TGM5: variants seen among roughly 807,000 people sequenced by gnomAD.
TGM5 encodes the protein protein-glutamine gamma-glutamyltransferase 5.
Under a neutral mutation model 77.2 loss-of-function variants are expected in TGM5, and 69 were observed. The ratio of observed to expected loss-of-function variants is 0.89; its 90% CI spans 0.74 to 1.09. The LOEUF is 1.09. TGM5 is among the 50% of genes least tolerant of loss of function. The pLI is 0.00. For synonymous variants in TGM5, 346 were observed against 351.8 expected (o/e 0.98, Z 0.18); for missense variants, 842 against 896.5 (o/e 0.94, Z 0.78).
At position 43,235,709 on chromosome 15, in the gene TGM5, G is replaced by A. The variant is rs763381962; in HGVS notation, c.1474C>T (p.Arg492Trp). Residue 492 changes from arginine (R) to tryptophan (W), a missense_variant, in exon 10 of 13, where the codon CGG (arginine) becomes TGG (tryptophan). Arg to Trp is a moderately radical substitution (Grantham distance 101). This residue lies in a region of TGM5 where 815 missense variants were observed against 844.6 expected (regional missense o/e 0.96). Coordinates refer to ENST00000220420, the MANE Select transcript of TGM5 (RefSeq NM_201631.4). The part of the protein sequence containing the change: ...RPTSLSQDSP[R>W]SLHTPSLRPS... ...CGAAGGGAAGGTGTATGCAGGCTCC[G>A]AGGGCTGTCCTGGCTCAGTGATGTG... The A allele has an allele frequency of 1.4e-5, 23 of 1,614,062 alleles. No individual in the cohort carries two copies. The highest frequency in any genetic ancestry group is 2.2e-5 in the East Asian group (1 of 44,888).
chr15:43,239,750 G>A (rs1053470305), intron 7 of TGM5: 8 of 192,430 alleles, frequency 4.2e-5, no homozygotes, highest in East Asian at 1.3e-4. Context: ...CTCCCTCTGC[G>A]GACTCAGCTT....
Position 43,233,080 on chromosome 15 carries a change from G to T in TGM5, c.*111C>A. On this transcript the variant is annotated 3_prime_UTR_variant, in exon 13 of 13. Transcript: ENST00000220420. ...ACACGTCATCCCCTCTGTGGCTCTT[G>T]CTGGAGCCCTGTGAAGCCTCTGTTG... is the stretch of plus-strand genomic sequence containing the variant. The T allele has an allele frequency of 7.4e-7, 1 of 1,354,964 alleles. No individual in the cohort carries two copies. Among genetic ancestry groups the T allele is most frequent in the Non-Finnish European group, 1.0e-6 (1 of 973,806 alleles). The allele number at this position is 1,354,964 out of a possible 1,614,324, so 83.9% of individuals were successfully genotyped here.
intron 6 of TGM5, among the ~76,000 whole-genome samples, chr15:43,248,974 A>C (rs975608227): frequency 2.0e-5 from 3 of 152,214 alleles, no homozygotes; most frequent in African/African-American, 4.8e-5. Context: ...TATAAAAGAC[A>C]TGCAAGTTGG....
chr15:43,244,116 G>A (rs1014667566), intron 6 of TGM5, among the ~76,000 whole-genome samples: 1 of 152,122 alleles, frequency 6.6e-6, no homozygotes, highest in Non-Finnish European at 1.5e-5. Flanking sequence ...TTTCACCAAT[G>A]ACTCCACACC....
At chr15:43,246,914 G>T (rs1330276752) in intron 6 of TGM5, among the ~76,000 whole-genome samples, 2 of 152,088 alleles carry the variant, frequency 1.3e-5, no homozygotes, top group Admixed American at 1.3e-4. Flanking sequence ...GACTGCTCTG[G>T]AGCCATCATA....
intron 6 of TGM5, 24 bp from the exon 7 acceptor site, chr15:43,241,014 C>G (rs866429260): frequency 6.2e-7 from 1 of 1,614,010 alleles, no homozygotes; most frequent in Non-Finnish European, 8.5e-7. Context: ...ACAAAAAAAT[C>G]ACCTGTGAGC....
At chr15:43,253,765 C>A in intron 4 of TGM5, 131 bp from the exon 5 acceptor site, 1 of 1,250,590 alleles carries the variant, frequency 8.0e-7, no homozygotes, top group Non-Finnish European at 1.1e-6. Context: ...AACAGAACAG[C>A]CATGAATTCC....
rs547520639 is a variant in TGM5 at position 43,238,665 on chromosome 15, G to A, written c.1345+152C>T. ...GGTGGGGGTGTCATGAAGAAGTGAGGCTGTGAGGCCACCCCAACTGGGGCC... is the reference window on the plus strand; with the variant it reads ...GGTGGGGGTGTCATGAAGAAGTGAGACTGTGAGGCCACCCCAACTGGGGCC... On this transcript the variant is annotated intron_variant, in intron 9 of 12. Coordinates refer to ENST00000220420, the MANE Select transcript of TGM5 (RefSeq NM_201631.4). 4.1e-6 allele frequency: 5 copies of A among 1,205,734 alleles called. No homozygotes were observed. In the African/African-American group the frequency reaches 6.0e-5, roughly 14 times the overall value. 74.7% of individuals were successfully genotyped at this position (1,205,734 alleles called of 1,614,324 possible). A position where few individuals can be genotyped will look rare whatever the true frequency, so the allele number is the denominator to read the frequency against.
In TGM5 at chr15:43,240,926, A is replaced by G; in HGVS notation, c.927T>C (p.Asp309=). The change falls in exon 7 of 13, where the codon GAT becomes GAC. Residue 309 remains aspartate, a synonymous_variant. Coordinates refer to ENST00000220420, the MANE Select transcript of TGM5 (RefSeq NM_201631.4). ...AATACTCATCTATGATCAGGTTTCCATCTGTATCGTGGCCAGAGTCGAAGT... is the reference window on the plus strand; with the variant it reads ...AATACTCATCTATGATCAGGTTTCCGTCTGTATCGTGGCCAGAGTCGAAGT... The part of the protein sequence containing the change: ...ITNFDSGHDT[D]GNLIIDEYYD... 1.2e-6 allele frequency: 2 copies of G among 1,614,130 alleles called. No homozygotes were observed. The highest frequency in any genetic ancestry group is 2.2e-5 in the South Asian group (2 of 91,078).
Position 43,266,869 on chromosome 15 carries a change from T to C in TGM5, c.-20A>G, listed in dbSNP as rs1183538378. 3 of 1,613,962 alleles carry C rather than the reference T, an allele frequency of 1.9e-6. No individual in the cohort carries two copies. The highest frequency in any genetic ancestry group is 1.3e-5 in the African/African-American group (1 of 74,944). On this transcript the variant is annotated 5_prime_UTR_variant, in exon 1 of 13. Transcript: ENST00000220420. The stretch of plus-strand genomic sequence containing the variant: ...GGCCATGGTAGCTGCCTCCGGTTCC[T>C]GGGATGCTCCCCACAGAACAGCTGG...
chr15:43,259,631 T>C (rs2042770020), intron 3 of TGM5, among the ~76,000 whole-genome samples: 1 of 152,196 alleles, frequency 6.6e-6, no homozygotes, highest in South Asian at 2.1e-4. Flanking sequence ...TGCTGTTGAA[T>C]GGAACTTAGA....
At position 43,252,919 on chromosome 15, in the gene TGM5, A is replaced by G; in HGVS notation, c.702T>C (p.Asp234=). The change falls in exon 6 of 13, where the codon GAT becomes GAC. Residue 234 remains aspartate (D), a synonymous_variant. Transcript: ENST00000220420. The stretch of plus-strand genomic sequence containing the variant: ...TCCAGTTTCCATTGAGCACCCCATT[A>G]TCATCATTGCTGTTGATCTGAAGAG... ...VVCAMINSND[D]NGVLNGNWSE... is the part of the protein sequence containing the mutation. The G allele has an allele frequency of 6.2e-7, 1 of 1,613,502 alleles. No individual in the cohort carries two copies.
chr15:43,264,684 A>G (rs1225149310), intron 1 of TGM5, among the ~76,000 whole-genome samples: 1 of 152,216 alleles, frequency 6.6e-6, no homozygotes, highest in South Asian at 2.1e-4. Context: ...TTCTGAAACT[A>G]GATAGTGGCG....
intron 4 of TGM5, among the ~76,000 whole-genome samples, chr15:43,255,099 C>T (rs1036452834): frequency 5.3e-5 from 8 of 151,994 alleles, no homozygotes; most frequent in African/African-American, 1.5e-4. Flanking sequence ...TTTGGGAGGC[C>T]GAGACGGGAG....
intron 6 of TGM5, among the ~76,000 whole-genome samples, chr15:43,244,901 C>A (rs2042660539): frequency 6.6e-6 from 1 of 151,876 alleles, no homozygotes; most frequent in Non-Finnish European, 1.5e-5. Flanking sequence ...GACTTCACCT[C>A]TACAAAAAAA....
chr15:43,261,004 G>A (rs1278160044), intron 1 of TGM5, among the ~76,000 whole-genome samples: 16 of 151,588 alleles, frequency 1.1e-4, no homozygotes, highest in Admixed American at 1.1e-3. Flanking sequence ...CAGGTCTGGG[G>A]AGCTGCTCCC....
rs776185860 is a variant in TGM5 at position 43,260,521 on chromosome 15, C to T, written c.69G>A (p.Thr23=). The change falls in exon 2 of 13, where the codon ACG becomes ACA. Residue 23 remains threonine (T), a synonymous_variant. Coordinates refer to ENST00000220420, the MANE Select transcript of TGM5 (RefSeq NM_201631.4). The stretch of plus-strand genomic sequence containing the variant: ...GCAGGTGGTCCACAGTGATCTCCTC[C>T]GTGTGGTGCCGCACATTATTTCTGG... ...QSSRNNVRHH[T]EEITVDHLLV... is the part of the protein sequence containing the mutation. 7.4e-6 allele frequency: 12 copies of T among 1,614,020 alleles called. No homozygotes were observed. The highest frequency in any genetic ancestry group is 1.0e-5 in the Non-Finnish European group (12 of 1,180,030).
chr15:43,236,738 G>A (rs1209779066), intron 9 of TGM5, among the ~76,000 whole-genome samples: 1 of 152,122 alleles, frequency 6.6e-6, no homozygotes, highest in Non-Finnish European at 1.5e-5. Context: ...AGGCCAAGGA[G>A]GGTGGATTAC....
intron 6 of TGM5, among the ~76,000 whole-genome samples, chr15:43,249,228 G>C (rs1192194946): frequency 6.6e-6 from 1 of 152,114 alleles, no homozygotes; most frequent in Admixed American, 6.5e-5. Flanking sequence ...AATAGACCAG[G>C]CATATTCCCA....
Sources: gnomAD v4.1 joint callset for allele counts (sites outside exome capture counted in the v4.1 genomes callset) on GRCh38, gnomAD v4.1.1 for gene constraint, gnomAD v4.1.1 regional missense constraint, MANE v1.5 for transcripts, NCBI Gene and HGNC (gene_info 2026-07-23, HGNC 2026-07-21) for gene names.